Variants in EYS observed in about 807,000 individuals in gnomAD.
EYS encodes the protein protein eyes shut homolog.
Under a neutral mutation model 282.1 loss-of-function variants are expected in EYS, and 250 were observed. That is an observed-to-expected ratio of 0.89 (90% CI 0.80 to 0.98). The LOEUF (loss-of-function observed/expected upper bound fraction) is 0.98. Ranked by LOEUF, EYS falls within the 50% of genes least tolerant of loss-of-function variation. EYS has a pLI of 0.00. For synonymous variants in EYS, 1,355 were observed against 1,282.9 expected, an observed-to-expected ratio of 1.06 and a Z score of -1.20; for missense variants, 4,016 against 3,709.0, an observed-to-expected ratio of 1.08 and a Z score of -2.15.
intron 19 of EYS, among the ~76,000 whole-genome samples, chr6:64,871,209 G>A (rs922201459): frequency 6.6e-6 from 1 of 151,384 alleles, no homozygotes; most frequent in Non-Finnish European, 1.5e-5. Flanking sequence ...AATATTATTT[G>A]CATAACATGC....
chr6:64,251,630 T>A (rs1283335326), intron 30 of EYS, among the ~76,000 whole-genome samples: 1 of 152,196 alleles, frequency 6.6e-6, no homozygotes, highest in Non-Finnish European at 1.5e-5. Flanking sequence ...TCTTTTTCAT[T>A]TTCTCTTATT....
At chr6:64,654,848 G>T (rs553208681) in intron 22 of EYS, among the ~76,000 whole-genome samples, 2 of 152,206 alleles carry the variant, frequency 1.3e-5, no homozygotes, top group South Asian at 2.1e-4. Context: ...AAAGTCACCG[G>T]CTAAATGTCA....
intron 1 of EYS, among the ~76,000 whole-genome samples, chr6:65,693,438 T>C (rs1377120602): frequency 1.4e-5 from 2 of 143,168 alleles, no homozygotes; most frequent in African/African-American, 2.5e-5. Flanking sequence ...TCTTGGGCCA[T>C]AGTTACAACA....
At position 64,671,518 on chromosome 6, in the gene EYS, G is replaced by A. The variant is rs73439002; in HGVS notation, c.3444-45273C>T. On this transcript the variant is annotated intron_variant, in intron 22 of 42. Transcript: ENST00000503581. ...CATGTATTATATTTTTGTTGTAGCC[G>A]ACCAAAAGAGCTAAGAACCATCTTT... Among the ~76,000 whole-genome samples, 677 of 152,146 alleles carry A rather than the reference G, an allele frequency of 4.4e-3. 4 individuals carry two copies. The highest frequency in any genetic ancestry group is 0.015 in the African/African-American group (613 of 41,510).
chr6:63,853,464 C>T (rs1157396629), intron 36 of EYS, among the ~76,000 whole-genome samples: 5 of 152,158 alleles, frequency 3.3e-5, no homozygotes, highest in Non-Finnish European at 7.3e-5. Context: ...CTACAAACCA[C>T]TCTTCAAGGA....
chr6:65,313,845 G>A (rs1665771415), intron 11 of EYS, among the ~76,000 whole-genome samples: 1 of 152,110 alleles, frequency 6.6e-6, no homozygotes, highest in Non-Finnish European at 1.5e-5. Flanking sequence ...GTCAGAGCAT[G>A]TTAGTTATCC....
rs572872297 is a variant in EYS, at chr6:65,087,477, T to A, written c.2024-29750A>T. Among the ~76,000 whole-genome samples the A allele has an allele frequency of 2.0e-5, 3 of 152,260 alleles. No homozygotes were observed. The East Asian group carries it at 5.8e-4, about 29-fold the overall frequency. On this transcript the variant is annotated intron_variant, in intron 12 of 42. Transcript: ENST00000503581. ...GTTCCACACATTGGCTTTATGATAC[T>A]ACACAGCTGTGCATCTTACCTAACT...
At chr6:64,421,814 AAGAG>A (rs1358864861) in intron 28 of EYS, among the ~76,000 whole-genome samples, 4 of 151,254 alleles carry the variant, frequency 2.6e-5, no homozygotes, top group Non-Finnish European at 4.4e-5. Context: ...GGGAGCGAAG[AAGAG>A]AGAGAGAGCG....
At chr6:64,997,322 C>T (rs575347982) in intron 14 of EYS, among the ~76,000 whole-genome samples, 68 of 152,070 alleles carry the variant, frequency 4.5e-4, no homozygotes, top group African/African-American at 1.6e-3. Context: ...AATATTGCCA[C>T]AAGTTGTGAA....
chr6:64,741,314 C>T (rs1026428943), intron 22 of EYS, among the ~76,000 whole-genome samples: 6 of 152,054 alleles, frequency 3.9e-5, no homozygotes, highest in Non-Finnish European at 8.8e-5. Context: ...GTCTGAAAAA[C>T]GGACTTAACA....
intron 12 of EYS, among the ~76,000 whole-genome samples, chr6:65,186,712 T>G (rs955790938): frequency 6.6e-6 from 1 of 151,756 alleles, no homozygotes; most frequent in Admixed American, 6.6e-5. Context: ...ACTTAAAAGA[T>G]TGGGCTTCAG....
chr6:64,802,017 C>CTTTTTTTTTTTTTTTTTT (rs1157712956), intron 22 of EYS, among the ~76,000 whole-genome samples: 1 of 57,640 alleles, frequency 1.7e-5, no homozygotes, highest in Non-Finnish European at 3.6e-5. Flanking sequence ...TAACAAATTT[C>CTTTTTTTTTTTTTTTTTT]TTTTTCTTTT....
chr6:65,068,582 C>T (rs1167075989), intron 12 of EYS, among the ~76,000 whole-genome samples: 1 of 151,922 alleles, frequency 6.6e-6, no homozygotes, highest in Non-Finnish European at 1.5e-5. Context: ...GTCTATGTAC[C>T]AACATGTGAG....
rs973389927 is a variant in EYS at position 65,170,228 on chromosome 6, G to T, written c.2024-112501C>A. 5.4e-5 allele frequency among the ~76,000 whole-genome samples: 8 copies of T among 148,668 alleles called. No individual in the cohort carries two copies. In the South Asian group the frequency reaches 1.7e-3, roughly 31 times the overall value. ...CAGATGCACACACGCGCGCGTGCAC[G>T]CACACACACACACACACAGAGAGAG... On this transcript the variant is annotated intron_variant, in intron 12 of 42. Transcript: ENST00000503581.
chr6:64,679,557 G>A (rs552095422), intron 22 of EYS, among the ~76,000 whole-genome samples: 40 of 152,110 alleles, frequency 2.6e-4, no homozygotes, highest in African/African-American at 9.4e-4. Flanking sequence ...TCCTGGAAGT[G>A]GAACTATGAG....
chr6:65,188,891 C>A (rs1765575375), intron 12 of EYS, among the ~76,000 whole-genome samples: 1 of 151,386 alleles, frequency 6.6e-6, no homozygotes, highest in Non-Finnish European at 1.5e-5. Context: ...TGCAGCCTTG[C>A]CAGTATCATG....
At chr6:65,540,578 T>A (rs1428992776) in intron 2 of EYS, among the ~76,000 whole-genome samples, 1 of 152,178 alleles carries the variant, frequency 6.6e-6, no homozygotes, top group Non-Finnish European at 1.5e-5. Context: ...GCAAAATTAA[T>A]GTGAGCACAT....
At chr6:64,913,394 C>T (rs946543355) in intron 15 of EYS, among the ~76,000 whole-genome samples, 2 of 151,978 alleles carry the variant, frequency 1.3e-5, no homozygotes, top group African/African-American at 4.8e-5. Context: ...GATTTTCAAC[C>T]CCTACCTTTC....
chr6:65,021,335 G>T (rs940019791), intron 13 of EYS, among the ~76,000 whole-genome samples: 6 of 152,084 alleles, frequency 3.9e-5, no homozygotes, highest in Non-Finnish European at 8.8e-5. Context: ...TCAAGGACAG[G>T]GGCAAAATAC....
Sources: allele counts gnomAD v4.1 joint callset (sites outside exome capture counted in the v4.1 genomes callset), GRCh38; gene constraint gnomAD v4.1.1; transcripts MANE v1.5; gene names NCBI Gene and HGNC (gene_info 2026-07-23, HGNC 2026-07-21).